CDH12: variants seen among roughly 807,000 people sequenced by gnomAD.
CDH12 encodes cadherin-12.
In CDH12, 41 loss-of-function variants were observed where a neutral mutation model predicts 74.1. The observed-to-expected ratio is 0.55, with a 90% CI of 0.43 to 0.72. The LOEUF (loss-of-function observed/expected upper bound fraction) is 0.72. Ranked by LOEUF, CDH12 falls within the 30% of genes least tolerant of loss-of-function variation. CDH12 has a pLI of 0.00. For missense variants in CDH12, 945 were observed against 977.2 expected, an observed-to-expected ratio of 0.97 and a Z score of 0.44; for synonymous variants, 399 against 355.0, an observed-to-expected ratio of 1.12 and a Z score of -1.39.
intron 8 of CDH12, among the ~76,000 whole-genome samples, chr5:21,821,572 C>A (rs1027241856): frequency 6.6e-6 from 1 of 151,470 alleles, no homozygotes; most frequent in Admixed American, 6.6e-5. Context: ...AATAAGTTAC[C>A]TAAATACAAG....
At chr5:22,553,813 C>A (rs1297430947) in intron 1 of CDH12, among the ~76,000 whole-genome samples, 2 of 152,070 alleles carry the variant, frequency 1.3e-5, no homozygotes. Context: ...GAAACTGTTT[C>A]ACCTGAAATC....
At chr5:22,599,291 T>A (rs1736740132) in intron 1 of CDH12, among the ~76,000 whole-genome samples, 1 of 152,134 alleles carries the variant, frequency 6.6e-6, no homozygotes, top group Admixed American at 6.5e-5. Context: ...ACTGGGCTGG[T>A]GATAAGATTC....
intron 1 of CDH12, among the ~76,000 whole-genome samples, chr5:22,726,398 A>G (rs1268809397): frequency 6.6e-6 from 1 of 151,774 alleles, no homozygotes; most frequent in Non-Finnish European, 1.5e-5. Context: ...AGTGCTAAAT[A>G]ATAATTCATC....
chr5:22,719,452 T>C (rs1399932042), intron 1 of CDH12, among the ~76,000 whole-genome samples: 1 of 152,168 alleles, frequency 6.6e-6, no homozygotes. Flanking sequence ...ATCCTTTGCA[T>C]TTGCCTAGTG....
intron 4 of CDH12, among the ~76,000 whole-genome samples, chr5:22,089,727 C>T (rs530395176): frequency 4.7e-4 from 71 of 152,004 alleles, no homozygotes; most frequent in African/African-American, 1.6e-3. Flanking sequence ...AAAAAAATTT[C>T]GGTACATTTT....
At chr5:22,827,264 G>T (rs1376422505) in intron 1 of CDH12, among the ~76,000 whole-genome samples, 1 of 152,224 alleles carries the variant, frequency 6.6e-6, no homozygotes, top group African/African-American at 2.4e-5. Flanking sequence ...CAGAATTCAA[G>T]ACTTGAGGTC....
intron 1 of CDH12, among the ~76,000 whole-genome samples, chr5:22,733,750 G>A (rs1744550956): frequency 6.6e-6 from 1 of 151,898 alleles, no homozygotes; most frequent in Non-Finnish European, 1.5e-5. Flanking sequence ...AGTGAGGGGG[G>A]TTCCTTCCTG....
chr5:21,862,086 A>T (rs1473194796), intron 6 of CDH12, among the ~76,000 whole-genome samples: 1 of 151,912 alleles, frequency 6.6e-6, no homozygotes, highest in Non-Finnish European at 1.5e-5. Flanking sequence ...CTATGTGTGC[A>T]TGTGTGGTAT....
intron 1 of CDH12, among the ~76,000 whole-genome samples, chr5:22,693,289 T>C (rs972273864): frequency 7.9e-5 from 12 of 152,212 alleles, no homozygotes; most frequent in African/African-American, 2.9e-4. Context: ...TTGCAAGCCA[T>C]ATGCAGTGCT....
chr5:22,359,715 A>G (rs917776749), intron 3 of CDH12, among the ~76,000 whole-genome samples: 7 of 152,192 alleles, frequency 4.6e-5, no homozygotes, highest in Middle Eastern at 3.2e-3. Flanking sequence ...AAGAATAGAA[A>G]TTATAACAAA....
At position 22,013,053 on chromosome 5, in the gene CDH12, G is replaced by A. The variant is rs10074200; in HGVS notation, c.232-37668C>T. ...CCAGGTGAGTCAACCAAATTATACG[G>A]ACATGTCAAAACATGCTGTTTTACT... On this transcript the variant is annotated intron_variant, in intron 5 of 14. Transcript: ENST00000382254. Among the ~76,000 whole-genome samples, 1,107 of 150,958 alleles carry A rather than the reference G, an allele frequency of 7.3e-3. 8 individuals carry two copies. The highest frequency in any genetic ancestry group is 0.025 in the African/African-American group (1,041 of 41,092).
intron 1 of CDH12, among the ~76,000 whole-genome samples, chr5:22,685,047 T>C (rs941401607): frequency 2.6e-5 from 4 of 152,144 alleles, no homozygotes; most frequent in African/African-American, 9.7e-5. Flanking sequence ...TACGTACATT[T>C]TATGGAGGTG....
intron 4 of CDH12, among the ~76,000 whole-genome samples, chr5:22,124,609 C>G (rs1561137143): frequency 1.3e-5 from 2 of 152,144 alleles, no homozygotes; most frequent in Non-Finnish European, 2.9e-5. Context: ...CCTTCAGTGC[C>G]TTTTTCCTCT....
At chr5:22,403,337 T>G (rs75221347) in intron 3 of CDH12, among the ~76,000 whole-genome samples, 5,670 of 152,268 alleles carry the variant, frequency 0.037, 363 homozygotes, top group African/African-American at 0.13. Flanking sequence ...CACACAATTA[T>G]TGGGTAATAA....
intron 1 of CDH12, among the ~76,000 whole-genome samples, chr5:22,833,300 CTG>C (rs1196716604): frequency 6.6e-6 from 1 of 152,128 alleles, no homozygotes; most frequent in Non-Finnish European, 1.5e-5. Context: ...AAGGAGAAAA[CTG>C]TATTGATCAT....
chr5:22,626,548 T>G (rs2126849846), intron 1 of CDH12, among the ~76,000 whole-genome samples: 1 of 151,876 alleles, frequency 6.6e-6, no homozygotes, highest in South Asian at 2.1e-4. Flanking sequence ...TATACCAGAA[T>G]CAAACCCCTA....
At chr5:22,722,399 A>G (rs1236606225) in intron 1 of CDH12, among the ~76,000 whole-genome samples, 3 of 152,202 alleles carry the variant, frequency 2.0e-5, no homozygotes, top group African/African-American at 7.2e-5. Flanking sequence ...TTTAAAAACT[A>G]CTATATGGAG....
At chr5:22,832,501 A>T (rs1330348167) in intron 1 of CDH12, among the ~76,000 whole-genome samples, 1 of 152,120 alleles carries the variant, frequency 6.6e-6, no homozygotes, top group Non-Finnish European at 1.5e-5. Context: ...CTCAGAGAAA[A>T]TGTATGGGGT....
intron 1 of CDH12, among the ~76,000 whole-genome samples, chr5:22,661,110 G>T (rs1310735470): frequency 6.6e-6 from 1 of 152,120 alleles, no homozygotes; most frequent in African/African-American, 2.4e-5. Flanking sequence ...GCAATTAGAG[G>T]AAGCAAAGAA....
Sources: gnomAD v4.1 joint callset for allele counts (sites outside exome capture counted in the v4.1 genomes callset) on GRCh38, gnomAD v4.1.1 for gene constraint, MANE v1.5 for transcripts, NCBI Gene and HGNC (gene_info 2026-07-23, HGNC 2026-07-21) for gene names.